CSNK1G1: variants seen among roughly 807,000 people sequenced by gnomAD.
CSNK1G1 encodes the protein casein kinase 1 gamma 1.
CSNK1G1 carries 22 observed loss-of-function variants against 59.6 expected under a neutral mutation model. The ratio of observed to expected loss-of-function variants is 0.37; its 90% CI spans 0.26 to 0.53. CSNK1G1 has a LOEUF of 0.53. CSNK1G1 is among the 20% of genes least tolerant of loss of function. CSNK1G1 has a pLI of 0.89. For synonymous variants in CSNK1G1, 179 were observed against 177.1 expected (o/e 1.01, Z -0.08); for missense variants, 384 against 519.5 (o/e 0.74, Z 2.54).
Position 64,188,188 on chromosome 15 carries a change from C to T in CSNK1G1, c.1108-7734G>A, listed in dbSNP as rs1306130834. On this transcript the variant is annotated intron_variant, in intron 10 of 11. Transcript: ENST00000303052. The surrounding 1 kb of genome is among the most constrained non-coding windows in gnomAD (Gnocchi z 4.2). ...CATATAGATGTTTCTTAGTCAATGA[C>T]AACAGGAAGTAATCATTTTAACAAG... Among the ~76,000 whole-genome samples the T allele has an allele frequency of 8.5e-5, 13 of 152,048 alleles. No individual in the cohort carries two copies. The highest frequency in any genetic ancestry group is 3.4e-3 in the Middle Eastern group (1 of 294).
chr15:64,224,528 G>T (rs2082431677), intron 4 of CSNK1G1, among the ~76,000 whole-genome samples: 1 of 152,014 alleles, frequency 6.6e-6, no homozygotes, highest in African/African-American at 2.4e-5. Flanking sequence ...TTTTAAAAAA[G>T]AACAAACAAT....
intron 10 of CSNK1G1, chr15:64,181,680 A>C: frequency 2.4e-6 from 1 of 413,802 alleles, no homozygotes. Context: ...TTTGGGCAAG[A>C]TCCTCAGTCT....
rs1027335377 is a variant in CSNK1G1, at chr15:64,165,815, TATACTTAAAG to T, written c.*6106_*6115del. The T allele has an allele frequency of 7.3e-6, 3 of 408,990 alleles. No homozygotes were observed. The highest frequency in any genetic ancestry group is 8.8e-5 in the Admixed American group (2 of 22,670). 25.3% of individuals were successfully genotyped at this position (408,990 alleles called of 1,614,324 possible). ...TTTCCTCCCCAAACTGGGGAAGAGGTATACTTAAAGATCACATTTGTGTTTTCCATGGTGC... is the reference window on the plus strand; with the variant it reads ...TTTCCTCCCCAAACTGGGGAAGAGGTATCACATTTGTGTTTTCCATGGTGC... On this transcript the variant is annotated 3_prime_UTR_variant, in exon 12 of 12. Coordinates refer to ENST00000303052, the MANE Select transcript of CSNK1G1 (RefSeq NM_022048.5).
chr15:64,225,111 C>A (rs1050694859), intron 4 of CSNK1G1, among the ~76,000 whole-genome samples: 2 of 148,166 alleles, frequency 1.3e-5, no homozygotes, highest in Non-Finnish European at 3.0e-5. Flanking sequence ...TGGGTTCAAG[C>A]GATTATCTTG....
intron 1 of CSNK1G1, among the ~76,000 whole-genome samples, chr15:64,319,706 G>A (rs975235197): frequency 4.0e-5 from 6 of 151,802 alleles, no homozygotes; most frequent in African/African-American, 1.5e-4. Flanking sequence ...CGCCATGCCC[G>A]GCTAATTTTG....
chr15:64,304,960 G>C (rs1895586964), intron 1 of CSNK1G1, among the ~76,000 whole-genome samples: 1 of 152,106 alleles, frequency 6.6e-6, no homozygotes, highest in African/African-American at 2.4e-5. Flanking sequence ...CATGCTTGCT[G>C]TTTCTTGGTC....
intron 10 of CSNK1G1, among the ~76,000 whole-genome samples, chr15:64,184,091 CAGG>C (rs1040845152): frequency 1.2e-4 from 19 of 152,006 alleles, no homozygotes; most frequent in African/African-American, 4.6e-4. Flanking sequence ...ATCACGAGGT[CAGG>C]AGATTAAGAC....
intron 10 of CSNK1G1, among the ~76,000 whole-genome samples, chr15:64,184,521 C>T (rs142425668): frequency 0.016 from 2,428 of 151,204 alleles, 76 homozygotes; most frequent in African/African-American, 0.057. Flanking sequence ...TATTAAAATA[C>T]AAAAAATCAG....
chr15:64,256,805 A>G (rs1863650852), intron 3 of CSNK1G1, among the ~76,000 whole-genome samples: 2 of 152,182 alleles, frequency 1.3e-5, no homozygotes, highest in Admixed American at 1.3e-4. Context: ...AACAAAGTAC[A>G]ACAGAAACAG....
chr15:64,214,132 AG>A lies in CSNK1G1; in HGVS notation c.445-9del, dbSNP rs767439210. On this transcript the variant is annotated splice_polypyrimidine_tract_variant and intron_variant, in intron 5 of 11. Transcript: ENST00000303052. This position sits in a 1 kb window ranked among gnomAD's most constrained non-coding sequence, Gnocchi z 4.3. ...GTATTCCATTCGAGAAAGCTGAAAGAGAAACAAATGATAGAAAGACTGTAAA... is the reference window on the plus strand; with the variant it reads ...GTATTCCATTCGAGAAAGCTGAAAGAAAACAAATGATAGAAAGACTGTAAA... The A allele has an allele frequency of 1.0e-5, 16 of 1,580,734 alleles. No homozygotes were observed. Among genetic ancestry groups the A allele is most frequent in the Non-Finnish European group, 1.4e-5 (16 of 1,149,838 alleles).
rs189515075 is a variant in CSNK1G1, at chr15:64,336,555, C to T, written c.-225+19433G>A. ...GAGGATCACTTTGAGCCCAGGAGTT[C>T]ATGACCAGCCTGGGCAACTTAGAAA... On this transcript the variant is annotated intron_variant, in intron 1 of 11. Transcript: ENST00000303052. 5.3e-5 allele frequency among the ~76,000 whole-genome samples: 8 copies of T among 152,228 alleles called. No homozygotes were observed. The East Asian group carries it at 1.5e-3, about 29-fold the overall frequency.
At chr15:64,205,074 C>A in intron 7 of CSNK1G1, 125 bp from the exon 8 acceptor site, 1 of 555,622 alleles carries the variant, frequency 1.8e-6, no homozygotes. Flanking sequence ...GATTTTTTTT[C>A]TAACACTAAC....
chr15:64,172,708 C>T (rs1456856171), intron 11 of CSNK1G1, among the ~76,000 whole-genome samples: 1 of 152,130 alleles, frequency 6.6e-6, no homozygotes, highest in Non-Finnish European at 1.5e-5. Flanking sequence ...AGGGCACTCC[C>T]CAATTTAGCT....
rs199822048 is a variant in CSNK1G1, at chr15:64,182,765, G to A, written c.1108-2311C>T. Among the ~76,000 whole-genome samples the A allele has an allele frequency of 3.9e-5, 6 of 152,158 alleles. No homozygotes were observed. The East Asian group carries it at 5.8e-4, about 15-fold the overall frequency. The stretch of plus-strand genomic sequence containing the variant: ...AAATATGGCAAAATCTTAATAATTC[G>A]TTCAGCAAGGTTAAAGATATACAAG... On this transcript the variant is annotated intron_variant, in intron 10 of 11. Coordinates refer to ENST00000303052, the MANE Select transcript of CSNK1G1 (RefSeq NM_022048.5).
In CSNK1G1 at chr15:64,270,696, C is replaced by G. The variant is rs548072859; in HGVS notation, c.182-11455G>C. On this transcript the variant is annotated intron_variant, in intron 2 of 11. Transcript: ENST00000303052. ...CATGGCGTGAACCCAGGAGGCGGAG[C>G]TTGCAGTGAGCAGAGATCGTGCCAC... Among the ~76,000 whole-genome samples, 364 of 150,244 alleles carry G rather than the reference C, an allele frequency of 2.4e-3. 3 individuals are homozygous for G. The highest frequency in any genetic ancestry group is 8.7e-3 in the African/African-American group (354 of 40,522).
At chr15:64,245,683 T>C (rs887232736) in intron 4 of CSNK1G1, among the ~76,000 whole-genome samples, 2 of 150,986 alleles carry the variant, frequency 1.3e-5, no homozygotes, top group South Asian at 2.1e-4. Flanking sequence ...GGTGGGAGGA[T>C]AGTTTGAGCC....
At chr15:64,319,004 C>T (rs982220436) in intron 1 of CSNK1G1, among the ~76,000 whole-genome samples, 2 of 151,870 alleles carry the variant, frequency 1.3e-5, no homozygotes, top group African/African-American at 4.8e-5. Context: ...GCACACACCA[C>T]TACACCTGGC....
chr15:64,304,019 C>T (rs1385459800), intron 1 of CSNK1G1, among the ~76,000 whole-genome samples: 2 of 151,510 alleles, frequency 1.3e-5, no homozygotes, highest in Admixed American at 6.6e-5. Context: ...ACAACCATGA[C>T]AAAAACTGAC....
At chr15:64,246,302 C>G (rs140524415) in intron 4 of CSNK1G1, among the ~76,000 whole-genome samples, 1 of 152,210 alleles carries the variant, frequency 6.6e-6, no homozygotes, top group Non-Finnish European at 1.5e-5. Flanking sequence ...TTTGTTTTGA[C>G]TACTGCATTT....
Sources: gnomAD v4.1 joint callset for allele counts (sites outside exome capture counted in the v4.1 genomes callset) on GRCh38, gnomAD v4.1.1 for gene constraint, Gnocchi (gnomAD v3.1) non-coding constraint, MANE v1.5 for transcripts, NCBI Gene and HGNC (gene_info 2026-07-23, HGNC 2026-07-21) for gene names.